The following MYO16 variants were observed in gnomAD, a reference collection of about 807,000 sequenced individuals.
The protein encoded by MYO16 is myosin XVI, also known as unconventional myosin-XVI.
A neutral mutation model predicts 205.3 loss-of-function variants in MYO16; 94 were observed. The ratio of observed to expected loss-of-function variants is 0.46; its 90% CI spans 0.39 to 0.54. The LOEUF is 0.54. Among genes scored for constraint, MYO16 ranks in the 20% least tolerant of loss-of-function variants. The pLI, the probability that MYO16 is intolerant of heterozygous loss-of-function variation, is 0.00. For synonymous variants in MYO16, 988 were observed against 954.0 expected (o/e 1.04, Z -0.66); for missense variants, 2,315 against 2,387.5 (o/e 0.97, Z 0.63).
At chr13:109,010,229 A>C (rs1381311364) in intron 22 of MYO16, among the ~76,000 whole-genome samples, 1 of 152,176 alleles carries the variant, frequency 6.6e-6, no homozygotes, top group African/African-American at 2.4e-5. Flanking sequence ...CTAAGCCGTT[A>C]CTACTAAAGG....
rs561987788 is a variant in MYO16, at chr13:108,624,010, G to A, written c.-39+27771G>A. Reference sequence around the variant, plus strand: ...TAAATTTGAAGAATGCATGGAATTTGAATAGGTAACTTAGTGTGATTAAAT... The same window carrying A: ...TAAATTTGAAGAATGCATGGAATTTAAATAGGTAACTTAGTGTGATTAAAT... On this transcript the variant is annotated intron_variant, in intron 1 of 24. Coordinates refer to the MYO16 transcript ENST00000251041. 1.4e-4 allele frequency among the ~76,000 whole-genome samples: 21 copies of A among 152,250 alleles called. No homozygotes were observed. The South Asian group carries it at 2.1e-3, about 15-fold the overall frequency.
At chr13:108,870,729 G>T (rs994801588) in intron 12 of MYO16, among the ~76,000 whole-genome samples, 2 of 151,890 alleles carry the variant, frequency 1.3e-5, no homozygotes, top group South Asian at 4.2e-4. Flanking sequence ...TATTCCATAT[G>T]TTGGTAATTT....
At chr13:108,961,984 A>G (rs1883603379) in intron 18 of MYO16, among the ~76,000 whole-genome samples, 1 of 152,192 alleles carries the variant, frequency 6.6e-6, no homozygotes, top group South Asian at 2.1e-4. Context: ...TTAGCTCAAC[A>G]TTTTAAACAG....
chr13:109,045,800 T>C (rs893857965), intron 23 of MYO16, among the ~76,000 whole-genome samples: 1 of 152,220 alleles, frequency 6.6e-6, no homozygotes, highest in Admixed American at 6.5e-5. Flanking sequence ...TCTTCATAGT[T>C]TCTTCTGCTG....
At chr13:108,857,552 C>T (rs1878246643) in intron 11 of MYO16, among the ~76,000 whole-genome samples, 1 of 152,188 alleles carries the variant, frequency 6.6e-6, no homozygotes, top group African/African-American at 2.4e-5. Context: ...TTGTCCTTGT[C>T]AGGCTACAAC....
intron 20 of MYO16, among the ~76,000 whole-genome samples, chr13:108,984,297 C>T (rs1043964920): frequency 2.0e-5 from 3 of 152,136 alleles, no homozygotes; most frequent in Non-Finnish European, 4.4e-5. Flanking sequence ...TCCTCATACC[C>T]ATGACCTGGA....
chr13:109,111,709 C>T (rs538401783), intron 28 of MYO16, among the ~76,000 whole-genome samples: 77 of 146,766 alleles, frequency 5.2e-4, no homozygotes, highest in African/African-American at 1.8e-3. Flanking sequence ...TTTTTTGAGA[C>T]GGAGTCTTGC....
chr13:109,151,925 G>A (rs1408179072), intron 32 of MYO16, among the ~76,000 whole-genome samples: 1 of 152,136 alleles, frequency 6.6e-6, no homozygotes, highest in Non-Finnish European at 1.5e-5. Context: ...GCTCTCAGGC[G>A]AGATGACGTG....
intron 12 of MYO16, among the ~76,000 whole-genome samples, chr13:108,881,301 A>G (rs532029453): frequency 2.0e-5 from 3 of 152,326 alleles, no homozygotes; most frequent in South Asian, 4.1e-4. Flanking sequence ...CACTATCATC[A>G]ATGACCAAAG....
At chr13:108,869,767 A>T (rs1031746879) in intron 12 of MYO16, among the ~76,000 whole-genome samples, 3 of 142,674 alleles carry the variant, frequency 2.1e-5, no homozygotes, top group African/African-American at 7.7e-5. Flanking sequence ...AAAAGAAACC[A>T]CACATAAAAA....
rs1878567384 is a variant in MYO16, at chr13:109,164,890, A to C, written c.5165-11A>C. 1 of 1,530,314 alleles carries C rather than the reference A, an allele frequency of 6.5e-7. No individual in the cohort carries two copies. Among genetic ancestry groups the C allele is most frequent in the Admixed American group, 2.1e-5 (1 of 46,810 alleles). 94.8% of individuals were successfully genotyped at this position (1,530,314 alleles called of 1,614,324 possible). On this transcript the variant is annotated splice_polypyrimidine_tract_variant and intron_variant, in intron 32 of 34. Coordinates refer to ENST00000457511, the MANE Select transcript of MYO16 (RefSeq NM_001198950.3). ...TCAGAAAATAATTATGTTTTCTAAA[A>C]TTTATTTTAGGTTTTGAAACTAACA...
intron 4 of MYO16, among the ~76,000 whole-genome samples, chr13:108,744,122 CA>C (rs1394361584): frequency 1.3e-5 from 2 of 152,198 alleles, no homozygotes; most frequent in Admixed American, 1.3e-4. Flanking sequence ...AATGACCACA[CA>C]TACAATATTT....
chr13:108,968,557 C>T (rs190457495), intron 20 of MYO16, among the ~76,000 whole-genome samples: 108 of 151,948 alleles, frequency 7.1e-4, no homozygotes, highest in Non-Finnish European at 1.0e-3. Flanking sequence ...ACCTGGGAGG[C>T]GGAGGTTGCA....
intron 6 of MYO16, among the ~76,000 whole-genome samples, chr13:108,802,945 T>G (rs1346101227): frequency 6.6e-6 from 1 of 152,188 alleles, no homozygotes; most frequent in Non-Finnish European, 1.5e-5. Context: ...TTCAGCTGTT[T>G]GAGGGGCCTA....
At chr13:108,529,529 C>T in the MYO16 span, among the ~76,000 whole-genome samples, 4,478 of 152,086 alleles carry the variant, frequency 0.029, 189 homozygotes, top group African/African-American at 0.096. Flanking sequence ...TGATGTTCGC[C>T]GTGCACATGA....
At chr13:108,534,501 C>T in the MYO16 span, among the ~76,000 whole-genome samples, 2 of 152,008 alleles carry the variant, frequency 1.3e-5, no homozygotes, top group African/African-American at 4.8e-5. Context: ...TGGCATTTTT[C>T]CTGAATGTCC....
intron 31 of MYO16, among the ~76,000 whole-genome samples, chr13:109,134,968 A>T (rs1876705090): frequency 6.6e-6 from 1 of 152,164 alleles, no homozygotes; most frequent in Non-Finnish European, 1.5e-5. Context: ...AGCCTCCTTC[A>T]TCATCTCATC....
At chr13:108,975,196 T>G (rs542328185) in intron 20 of MYO16, among the ~76,000 whole-genome samples, 27 of 152,152 alleles carry the variant, frequency 1.8e-4, no homozygotes, top group East Asian at 9.7e-4. Flanking sequence ...TTTTGTTTTT[T>G]TTTTTATTAA....
At chr13:109,074,298 T>C (rs1320319481) in intron 27 of MYO16, among the ~76,000 whole-genome samples, 1 of 152,178 alleles carries the variant, frequency 6.6e-6, no homozygotes, top group Non-Finnish European at 1.5e-5. Flanking sequence ...CAGACAAGCA[T>C]TGATATGCTT....
Sources: gnomAD v4.1 joint callset for allele counts (sites outside exome capture counted in the v4.1 genomes callset) on GRCh38, gnomAD v4.1.1 for gene constraint, MANE v1.5 for transcripts, NCBI Gene and HGNC (gene_info 2026-07-23, HGNC 2026-07-21) for gene names.